CCDC141: variants seen among roughly 807,000 people sequenced by gnomAD.
CCDC141 encodes coiled-coil domain containing 141, also known as coiled-coil domain-containing protein 141.
In CCDC141, 168 loss-of-function variants were observed where a neutral mutation model predicts 181.0. That is an observed-to-expected ratio of 0.93 (90% CI 0.82 to 1.05). CCDC141 has a LOEUF of 1.05. Ranked by LOEUF, CCDC141 falls within the 50% of genes least tolerant of loss-of-function variation. The pLI, the probability that CCDC141 is intolerant of heterozygous loss-of-function variation, is 0.00. For missense variants in CCDC141, 1,902 were observed against 1,788.5 expected (o/e 1.06, Z -1.14); for synonymous variants, 666 against 642.3 (o/e 1.04, Z -0.56).
intron 11 of CCDC141, among the ~76,000 whole-genome samples, chr2:178,884,432 A>G (rs1009460101): frequency 1.3e-5 from 2 of 152,326 alleles, no homozygotes; most frequent in South Asian, 2.1e-4. Context: ...TATGTAAAAT[A>G]TAGATTTACT....
At chr2:178,871,269 G>A (rs1477171023) in intron 14 of CCDC141, among the ~76,000 whole-genome samples, 158 bp downstream of exon 14, 4 of 152,106 alleles carry the variant, frequency 2.6e-5, no homozygotes, top group African/African-American at 9.7e-5. Context: ...CAGGAAAAAA[G>A]TAAGAAAAAT....
rs758491042 is a variant in CCDC141, at chr2:178,830,229, T to C, written c.*3944A>G. On this transcript the variant is annotated 3_prime_UTR_variant, in exon 24 of 24. Transcript: ENST00000443758. ...CTTTAAAATGTTGGAACAATATTGA[T>C]CCAGGAACAACAATCCTGGACCTTT... 6.6e-6 allele frequency: 1 copy of C among 152,224 alleles called. No homozygotes were observed. Among genetic ancestry groups the C allele is most frequent in the Non-Finnish European group, 1.5e-5 (1 of 68,044 alleles). 9.4% of individuals were successfully genotyped at this position (152,224 alleles called of 1,614,324 possible). A position where few individuals can be genotyped will look rare whatever the true frequency, so the allele number is the denominator to read the frequency against.
chr2:179,032,419 A>G (rs887140870), intron 2 of CCDC141, among the ~76,000 whole-genome samples: 3 of 152,156 alleles, frequency 2.0e-5, no homozygotes, highest in Non-Finnish European at 4.4e-5. Flanking sequence ...AGCAAAAAAC[A>G]AAAGCAAGGG....
At chr2:179,043,236 T>G (rs1373744008) in intron 2 of CCDC141, among the ~76,000 whole-genome samples, 9 of 152,106 alleles carry the variant, frequency 5.9e-5, no homozygotes, top group African/African-American at 2.2e-4. Context: ...ATAAATAGCC[T>G]GCCAACCAAA....
chr2:179,015,352 TAC>T (rs2042450579), intron 2 of CCDC141, among the ~76,000 whole-genome samples: 1 of 141,560 alleles, frequency 7.1e-6, no homozygotes, highest in Non-Finnish European at 1.5e-5. Flanking sequence ...ATATGTATCA[TAC>T]ATATCCCATA....
Position 178,868,163 on chromosome 2 carries a change from G to T in CCDC141, c.2437C>A (p.Gln813Lys). Residue 813 changes from glutamine to lysine, a missense_variant, in exon 16 of 24, where the codon CAG (glutamine) becomes AAG (lysine). Physicochemically the swap from Gln to Lys is moderately conservative, Grantham distance 53. Coordinates refer to ENST00000443758, the MANE Select transcript of CCDC141 (RefSeq NM_173648.4). ...IKSRELEFVE[Q>K]PKELGDAHDV... ...TGGGCATCACCCAGTTCCTTCGGCT[G>T]CTCTACAAACTCCAGCTCTCTTGAT... 6.2e-7 allele frequency: 1 copy of T among 1,613,940 alleles called. No individual in the cohort carries two copies. Among genetic ancestry groups the T allele is most frequent in the East Asian group, 2.2e-5 (1 of 44,866 alleles).
intron 6 of CCDC141, among the ~76,000 whole-genome samples, chr2:178,920,078 T>A (rs1420509667): frequency 6.6e-6 from 1 of 152,220 alleles, no homozygotes; most frequent in African/African-American, 2.4e-5. Flanking sequence ...AGTCCTGAAG[T>A]CAGACCCACT....
chr2:178,981,280 C>T (rs1361779162), intron 2 of CCDC141, among the ~76,000 whole-genome samples: 1 of 151,988 alleles, frequency 6.6e-6, no homozygotes, highest in Non-Finnish European at 1.5e-5. Flanking sequence ...ATTCTTCCAA[C>T]AATGCATAAC....
downstream of CCDC141, among the ~76,000 whole-genome samples, chr2:178,826,849 T>A (rs889705002): frequency 2.6e-5 from 4 of 152,110 alleles, no homozygotes; most frequent in African/African-American, 9.6e-5. Flanking sequence ...TTTTCCTGTT[T>A]TAAATGTCAT....
intron 4 of CCDC141, among the ~76,000 whole-genome samples, chr2:178,966,803 C>T (rs989701154): frequency 9.2e-5 from 14 of 151,686 alleles, no homozygotes; most frequent in African/African-American, 3.1e-4. Flanking sequence ...CAAACTGCTC[C>T]GAGCTAAAGT....
chr2:178,958,669 A>C (rs1458016957), intron 5 of CCDC141, among the ~76,000 whole-genome samples: 1 of 151,160 alleles, frequency 6.6e-6, no homozygotes, highest in African/African-American at 2.4e-5. Context: ...CTGGGTTAGA[A>C]TGTTCACTTT....
At chr2:179,015,825 ATG>A (rs1306970011) in intron 2 of CCDC141, among the ~76,000 whole-genome samples, 4 of 77,268 alleles carry the variant, frequency 5.2e-5, no homozygotes, top group Admixed American at 4.9e-4. Flanking sequence ...TATCTCATAT[ATG>A]TATCATATAT....
chr2:178,964,659 A>T (rs868548567), intron 4 of CCDC141, among the ~76,000 whole-genome samples: 9 of 152,166 alleles, frequency 5.9e-5, no homozygotes, highest in African/African-American at 1.9e-4. Context: ...TTCCTCTGCC[A>T]GTTCCCTTGG....
intron 22 of CCDC141, among the ~76,000 whole-genome samples, chr2:178,842,621 G>T (rs1036497426): frequency 6.6e-6 from 1 of 152,234 alleles, no homozygotes. Context: ...AACTACATAT[G>T]TGGTAAATTT....
chr2:179,008,324 C>T (rs549202010), intron 2 of CCDC141, among the ~76,000 whole-genome samples: 23 of 152,294 alleles, frequency 1.5e-4, no homozygotes, highest in African/African-American at 5.1e-4. Flanking sequence ...GCAAGACTTT[C>T]CAAGGACACT....
At chr2:178,894,336 G>GA (rs1308007017) in intron 8 of CCDC141, among the ~76,000 whole-genome samples, 3 of 151,904 alleles carry the variant, frequency 2.0e-5, no homozygotes, top group African/African-American at 7.2e-5. Context: ...GAAAGTCAAA[G>GA]AAAAAAACCC....
chr2:179,009,354 C>T (rs1220368117), intron 2 of CCDC141, among the ~76,000 whole-genome samples: 1 of 152,070 alleles, frequency 6.6e-6, no homozygotes, highest in East Asian at 1.9e-4. Context: ...GTCATATTAC[C>T]ATGGTTGGTT....
chr2:179,006,387 A>C (rs952985843), intron 2 of CCDC141, among the ~76,000 whole-genome samples: 2 of 152,178 alleles, frequency 1.3e-5, no homozygotes, highest in African/African-American at 4.8e-5. Flanking sequence ...TGAGAAAAAA[A>C]CAGTGGGAGT....
intron 17 of CCDC141, among the ~76,000 whole-genome samples, chr2:178,857,658 CA>C (rs140347068): frequency 0.011 from 1,655 of 152,060 alleles, 26 homozygotes; most frequent in African/African-American, 0.038. Flanking sequence ...GTATTATCAC[CA>C]AAGAGAAGTA....
Sources: gnomAD v4.1 joint callset for allele counts (sites outside exome capture counted in the v4.1 genomes callset) on GRCh38, gnomAD v4.1.1 for gene constraint, MANE v1.5 for transcripts, NCBI Gene and HGNC (gene_info 2026-07-23, HGNC 2026-07-21) for gene names.